SYNJ2: variants seen among roughly 807,000 people sequenced by gnomAD.
SYNJ2 encodes the protein polyphosphatidylinositol phosphatase SYNJ2.
Under a neutral mutation model 141.3 loss-of-function variants are expected in SYNJ2, and 116 were observed. The ratio of observed to expected loss-of-function variants is 0.82; its 90% CI spans 0.71 to 0.96. The LOEUF is 0.96. SYNJ2 is among the 40% of genes least tolerant of loss of function. The probability of loss-of-function intolerance (pLI) is 0.00; values close to 1 mark genes in which losing one functional copy is unlikely to be tolerated. For synonymous variants in SYNJ2, 745 were observed against 777.7 expected (o/e 0.96, Z 0.70); for missense variants, 1,873 against 1,934.8 (o/e 0.97, Z 0.60).
intron 2 of SYNJ2, among the ~76,000 whole-genome samples, chr6:158,018,750 C>A (rs1232082439): frequency 6.6e-6 from 1 of 152,214 alleles, no homozygotes; most frequent in Non-Finnish European, 1.5e-5. Context: ...ATCTTTGTCC[C>A]CGTTTACAGT....
chr6:158,090,284 T>C (rs192138931), intron 25 of SYNJ2, among the ~76,000 whole-genome samples: 1 of 152,342 alleles, frequency 6.6e-6, no homozygotes, highest in African/African-American at 2.4e-5. Flanking sequence ...GAGACAGTTA[T>C]AGTGTTTGTC....
At chr6:157,987,872 G>A (rs1777265047) in intron 1 of SYNJ2, among the ~76,000 whole-genome samples, 1 of 152,264 alleles carries the variant, frequency 6.6e-6, no homozygotes, top group South Asian at 2.1e-4. Flanking sequence ...CATTGGCCAA[G>A]ACACATTTTT....
rs12193080 is a variant in SYNJ2 at position 158,084,649 on chromosome 6, A to G, written c.3208+475A>G. 0.17 allele frequency among the ~76,000 whole-genome samples: 26,432 copies of G among 151,834 alleles called. 2,741 individuals carry two copies. The highest frequency in any genetic ancestry group is 0.36 in the Middle Eastern group (105 of 292). On this transcript the variant is annotated intron_variant, in intron 22 of 26. Coordinates refer to ENST00000355585, the MANE Select transcript of SYNJ2 (RefSeq NM_003898.4). This position sits in a 1 kb window ranked among gnomAD's most constrained non-coding sequence, Gnocchi z 5.0. The stretch of plus-strand genomic sequence containing the variant: ...GTGAAACCCTGTCTCTACTAAAAAT[A>G]TTTTTTAAAAATTAGCAGGGCATGG...
At chr6:158,073,663 A>G (rs1009473055) in intron 15 of SYNJ2, among the ~76,000 whole-genome samples, 10 of 152,238 alleles carry the variant, frequency 6.6e-5, no homozygotes, top group Admixed American at 1.3e-4. Context: ...CAGATGGCAC[A>G]GAGAACATTT....
At chr6:158,025,985 ATACATACATACG>A (rs777371386) in intron 2 of SYNJ2, among the ~76,000 whole-genome samples, 15 of 129,818 alleles carry the variant, frequency 1.2e-4, no homozygotes, top group African/African-American at 1.7e-4. Context: ...ACATGCATAC[ATACATACATACG>A]TACATACATA....
At chr6:158,025,606 G>C (rs1198211087) in intron 2 of SYNJ2, among the ~76,000 whole-genome samples, 1 of 152,076 alleles carries the variant, frequency 6.6e-6, no homozygotes, top group Non-Finnish European at 1.5e-5. Flanking sequence ...GTAGCAGTGA[G>C]CTGAGATTGC....
At chr6:158,067,917 G>A (rs771878541) in intron 12 of SYNJ2, 33 of 985,148 alleles carry the variant, frequency 3.3e-5, no homozygotes, top group East Asian at 1.1e-4. Context: ...CTCAAGAGCC[G>A]TCCCTCCAGT....
At chr6:158,056,704 C>A (rs1455769977) in intron 6 of SYNJ2, among the ~76,000 whole-genome samples, 1 of 152,220 alleles carries the variant, frequency 6.6e-6, no homozygotes, top group African/African-American at 2.4e-5. Context: ...TCCCAATTCT[C>A]TTCTCTGGGA....
intron 2 of SYNJ2, among the ~76,000 whole-genome samples, chr6:158,023,188 G>A (rs1562331715): frequency 6.6e-6 from 1 of 151,670 alleles, no homozygotes; most frequent in South Asian, 2.1e-4. Context: ...AACCCAGAAA[G>A]GGGAAGTTGC....
intron 1 of SYNJ2, among the ~76,000 whole-genome samples, chr6:157,986,926 T>G (rs569684897): frequency 6.8e-6 from 1 of 146,328 alleles, no homozygotes; most frequent in African/African-American, 2.6e-5. Flanking sequence ...TGGGTTGGCT[T>G]TTTTTTTTTT....
At chr6:158,017,590 A>AT (rs1305266733) in intron 2 of SYNJ2, 22 of 411,016 alleles carry the variant, frequency 5.4e-5, no homozygotes, top group Non-Finnish European at 9.2e-5. Flanking sequence ...AATTTTTTGT[A>AT]TTTTTAGTAG....
chr6:157,987,621 C>T (rs1160077649), intron 1 of SYNJ2, among the ~76,000 whole-genome samples: 4 of 152,082 alleles, frequency 2.6e-5, no homozygotes, highest in Non-Finnish European at 1.5e-5. Context: ...AAGCTGGTCT[C>T]GAACTCCCGA....
rs781362049 is a variant in SYNJ2 at position 158,096,265 on chromosome 6, A to G, written c.4392A>G (p.Pro1464=). ...AGASAAKAEL[P]PDHEHKTLGH... is the part of the protein sequence containing the mutation. Reference sequence around the variant, plus strand: ...CTTCAGCTGCCAAGGCAGAGCTGCCACCAGATCATGAACACAAAACCTTAG... The same window carrying G: ...CTTCAGCTGCCAAGGCAGAGCTGCCGCCAGATCATGAACACAAAACCTTAG... Residue 1464 remains proline (P), a synonymous_variant, in exon 27 of 27, where the codon CCA becomes CCG. Coordinates refer to ENST00000355585, the MANE Select transcript of SYNJ2 (RefSeq NM_003898.4). 4 of 1,614,238 alleles carry G rather than the reference A, an allele frequency of 2.5e-6. No individual in the cohort carries two copies. Among genetic ancestry groups the G allele is most frequent in the Non-Finnish European group, 2.5e-6 (3 of 1,180,046 alleles).
intron 1 of SYNJ2, among the ~76,000 whole-genome samples, chr6:157,990,377 G>A (rs536569483): frequency 6.6e-6 from 1 of 152,272 alleles, no homozygotes; most frequent in South Asian, 2.1e-4. Flanking sequence ...TTCCATCTCA[G>A]ATGGAGTTGT....
At chr6:158,011,823 G>T (rs774331746) in intron 1 of SYNJ2, among the ~76,000 whole-genome samples, 2 of 152,112 alleles carry the variant, frequency 1.3e-5, no homozygotes, top group Non-Finnish European at 2.9e-5. Context: ...TCCTTGTTTC[G>T]TGGTTCACAA....
At chr6:158,056,261 C>T (rs1228966732) in intron 6 of SYNJ2, among the ~76,000 whole-genome samples, 1 of 152,188 alleles carries the variant, frequency 6.6e-6, no homozygotes, top group Non-Finnish European at 1.5e-5. Context: ...CCTGGTAATG[C>T]ATGGTGTGTG....
chr6:158,017,353 C>T (rs1778511657), intron 2 of SYNJ2, 63 bp downstream of exon 2: 11 of 1,521,006 alleles, frequency 7.2e-6, no homozygotes, highest in South Asian at 4.9e-5. Flanking sequence ...GCCTCTGTGT[C>T]GGAAGGGGCC....
chr6:158,054,433 G>T (rs935003673), intron 5 of SYNJ2, among the ~76,000 whole-genome samples: 2 of 152,196 alleles, frequency 1.3e-5, no homozygotes, highest in Non-Finnish European at 2.9e-5. Flanking sequence ...GCCAGCAAAA[G>T]CCCCTTTAAG....
intron 1 of SYNJ2, among the ~76,000 whole-genome samples, chr6:157,990,892 G>T (rs1489862170): frequency 1.3e-5 from 2 of 151,724 alleles, no homozygotes; most frequent in Non-Finnish European, 2.9e-5. Context: ...CCACCTCTCT[G>T]CCCTGAGGAC....
Sources: gnomAD v4.1 joint callset for allele counts (sites outside exome capture counted in the v4.1 genomes callset) on GRCh38, gnomAD v4.1.1 for gene constraint, Gnocchi (gnomAD v3.1) non-coding constraint, MANE v1.5 for transcripts, NCBI Gene and HGNC (gene_info 2026-07-23, HGNC 2026-07-21) for gene names.